MAP2: variants seen among roughly 807,000 people sequenced by gnomAD.
MAP2 encodes the protein microtubule-associated protein 2.
MAP2 carries 14 observed loss-of-function variants against 137.6 expected under a neutral mutation model. The ratio of observed to expected loss-of-function variants is 0.10; its 90% CI spans 0.07 to 0.16. The LOEUF (loss-of-function observed/expected upper bound fraction) is 0.16, where lower values mean the gene tolerates loss of function less well. Among genes scored for constraint, MAP2 ranks in the 10% least tolerant of loss-of-function variants. MAP2 has a pLI of 1.00. For missense variants in MAP2, 2,088 were observed against 2,191.5 expected, an observed-to-expected ratio of 0.95 and a Z score of 0.94; for synonymous variants, 786 against 782.3, an observed-to-expected ratio of 1.00 and a Z score of -0.08.
intron 2 of MAP2, among the ~76,000 whole-genome samples, chr2:209,559,479 C>CAAAAAAAA (rs59788211): frequency 0.034 from 1,283 of 37,262 alleles, 1 homozygote; most frequent in East Asian, 0.054. Context: ...GCCAAAAATA[C>CAAAAAAAA]AAAAAAAAAA....
intron 1 of MAP2, among the ~76,000 whole-genome samples, chr2:209,469,214 G>C (rs1229399378): frequency 6.6e-6 from 1 of 152,122 alleles, no homozygotes; most frequent in Non-Finnish European, 1.5e-5. Context: ...CTCATTGCTA[G>C]ATAGAGCTTC....
At chr2:209,425,916 G>T (rs1205241663) in intron 1 of MAP2, among the ~76,000 whole-genome samples, 1 of 152,162 alleles carries the variant, frequency 6.6e-6, no homozygotes, top group Admixed American at 6.5e-5. Context: ...GGTGTATTTT[G>T]GTAGAAATCC....
intron 2 of MAP2, among the ~76,000 whole-genome samples, chr2:209,512,556 TACACACACACACACACAC>T (rs150144839): frequency 3.3e-4 from 48 of 144,908 alleles, no homozygotes; most frequent in South Asian, 4.5e-4. Context: ...CCAGAAGTTA[TACACACACACACACACAC>T]ACACACACAC....
In MAP2 at chr2:209,523,731, T is replaced by TG. The variant is rs570920751; in HGVS notation, c.-172+16091dup. 2.0e-4 allele frequency among the ~76,000 whole-genome samples: 30 copies of TG among 152,336 alleles called. No individual in the cohort carries two copies. The East Asian group carries it at 5.6e-3, about 28-fold the overall frequency. On this transcript the variant is annotated intron_variant, in intron 2 of 15. Transcript: ENST00000682079. ...GCTTTTTATTCATTTATTTTTCTCTTGCCAGGTGGTCCGAATCAAAGATTG... is the reference window on the plus strand; with the variant it reads ...GCTTTTTATTCATTTATTTTTCTCTTGGCCAGGTGGTCCGAATCAAAGATTG...
intron 7 of MAP2, among the ~76,000 whole-genome samples, chr2:209,681,230 CT>C (rs2054424057): frequency 1.3e-5 from 2 of 152,118 alleles, no homozygotes; most frequent in African/African-American, 4.8e-5. Context: ...TCAACACTTC[CT>C]TATGAAAGTG....
intron 2 of MAP2, among the ~76,000 whole-genome samples, chr2:209,524,088 A>G (rs1035684962): frequency 2.6e-5 from 4 of 152,050 alleles, no homozygotes; most frequent in African/African-American, 7.2e-5. Flanking sequence ...CAAAAACTAC[A>G]TATTGTGGTA....
chr2:209,598,055 G>C (rs2081812438), intron 3 of MAP2, among the ~76,000 whole-genome samples: 1 of 151,944 alleles, frequency 6.6e-6, no homozygotes, highest in Admixed American at 6.6e-5. Context: ...GCCCAGTCTG[G>C]AGTGTAGTGG....
At chr2:209,519,622 A>G (rs911744385) in intron 2 of MAP2, among the ~76,000 whole-genome samples, 1 of 152,108 alleles carries the variant, frequency 6.6e-6, no homozygotes, top group Non-Finnish European at 1.5e-5. Flanking sequence ...GAACAAAGAA[A>G]GAAATTCTAA....
chr2:209,621,913 G>C (rs1018250698), intron 3 of MAP2, among the ~76,000 whole-genome samples: 1 of 152,150 alleles, frequency 6.6e-6, no homozygotes, highest in Non-Finnish European at 1.5e-5. Context: ...GCTAATAAAA[G>C]CTGACTTCGT....
At chr2:209,530,729 T>A (rs1197157548) in intron 2 of MAP2, among the ~76,000 whole-genome samples, 3 of 152,192 alleles carry the variant, frequency 2.0e-5, no homozygotes, top group Non-Finnish European at 4.4e-5. Context: ...TTTTTCTTTA[T>A]AAGCATCCAG....
At chr2:209,624,081 G>C (rs1209650847) in intron 3 of MAP2, among the ~76,000 whole-genome samples, 2 of 152,152 alleles carry the variant, frequency 1.3e-5, no homozygotes, top group South Asian at 2.1e-4. Flanking sequence ...TTGGTCCTTA[G>C]AGGTTCATAC....
intron 13 of MAP2, among the ~76,000 whole-genome samples, chr2:209,722,982 G>A (rs75403492): frequency 1.6e-4 from 25 of 152,230 alleles, no homozygotes; most frequent in Middle Eastern, 3.4e-3. Context: ...TCAGGATGTC[G>A]CTGAACCACC....
At chr2:209,509,463 T>C (rs2061472177) in intron 2 of MAP2, among the ~76,000 whole-genome samples, 1 of 151,992 alleles carries the variant, frequency 6.6e-6, no homozygotes, top group Admixed American at 6.6e-5. Flanking sequence ...CCCACTTGGA[T>C]ATGTGTGGTT....
intron 3 of MAP2, among the ~76,000 whole-genome samples, chr2:209,593,954 T>C (rs1191433336): frequency 4.0e-4 from 51 of 127,486 alleles, no homozygotes; most frequent in Middle Eastern, 3.6e-3. Flanking sequence ...TATATATATA[T>C]ACACACACAT....
At chr2:209,513,092 GT>G (rs1240137529) in intron 2 of MAP2, among the ~76,000 whole-genome samples, 4 of 152,146 alleles carry the variant, frequency 2.6e-5, no homozygotes, top group African/African-American at 9.7e-5. Context: ...CTTAAAAAAA[GT>G]GTAGAAAATG....
chr2:209,490,501 A>G (rs1175970885), intron 1 of MAP2, among the ~76,000 whole-genome samples: 1 of 151,138 alleles, frequency 6.6e-6, no homozygotes, highest in Non-Finnish European at 1.5e-5. Flanking sequence ...TAAAAGAGTC[A>G]AGACCCGCTG....
At chr2:209,477,786 CAGA>C (rs1423704417) in intron 1 of MAP2, among the ~76,000 whole-genome samples, 2 of 151,440 alleles carry the variant, frequency 1.3e-5, no homozygotes, top group East Asian at 3.9e-4. Flanking sequence ...CACTTGAGCC[CAGA>C]AGTTCAAGAC....
At chr2:209,656,954 A>G (rs111708855) in intron 5 of MAP2, among the ~76,000 whole-genome samples, 8 of 152,064 alleles carry the variant, frequency 5.3e-5, no homozygotes, top group South Asian at 4.2e-4. Context: ...TGAGTCTCCA[A>G]TGTCTATTAT....
At chr2:209,649,265 C>A (rs1473434397) in intron 4 of MAP2, among the ~76,000 whole-genome samples, 1 of 152,088 alleles carries the variant, frequency 6.6e-6, no homozygotes, top group Non-Finnish European at 1.5e-5. Flanking sequence ...AATCCTCCCA[C>A]CTCGACCTCC....
Sources: gnomAD v4.1 joint callset for allele counts (sites outside exome capture counted in the v4.1 genomes callset) on GRCh38, gnomAD v4.1.1 for gene constraint, MANE v1.5 for transcripts, NCBI Gene and HGNC (gene_info 2026-07-23, HGNC 2026-07-21) for gene names.